GPC1: variants seen among roughly 807,000 people sequenced by gnomAD.
GPC1 encodes glypican 1, also known as glypican-1.
In GPC1, 26 loss-of-function variants were observed where a neutral mutation model predicts 51.5. The observed-to-expected ratio is 0.50, with a 90% CI of 0.37 to 0.70. The LOEUF is 0.70. GPC1 is among the 30% of genes least tolerant of loss of function. The probability of loss-of-function intolerance (pLI) is 0.00; values close to 1 mark genes in which losing one functional copy is unlikely to be tolerated. For synonymous variants in GPC1, 380 were observed against 348.3 expected, an observed-to-expected ratio of 1.09 and a Z score of -1.01; for missense variants, 775 against 800.5, an observed-to-expected ratio of 0.97 and a Z score of 0.38.
intron 2 of GPC1, among the ~76,000 whole-genome samples, chr2:240,459,831 AC>A (rs1302170446): frequency 6.6e-6 from 1 of 152,070 alleles, no homozygotes; most frequent in African/African-American, 2.4e-5. Context: ...CCCCAGGGGG[AC>A]AGTGTGGGGT....
At chr2:240,461,953 C>T (rs189270932) in intron 2 of GPC1, among the ~76,000 whole-genome samples, 1 of 152,174 alleles carries the variant, frequency 6.6e-6, no homozygotes, top group African/African-American at 2.4e-5. Flanking sequence ...AGTCAGAGGC[C>T]CTGAGACCCG....
rs569418089 is a variant in GPC1 at position 240,449,886 on chromosome 2, C to T, written c.167-9144C>T. The T allele has an allele frequency of 5.1e-5, 24 of 470,818 alleles. 1 individual carries two copies. Among genetic ancestry groups the T allele is most frequent in the South Asian group, 3.3e-4 (21 of 64,566 alleles). The allele number at this position is 470,818 out of a possible 1,614,324, so 29.2% of individuals were successfully genotyped here. On this transcript the variant is annotated intron_variant, in intron 1 of 8. Coordinates refer to ENST00000264039, the MANE Select transcript of GPC1 (RefSeq NM_002081.3). ...GCCGGAGCATGTGTCAGAATTTCTTCCTTTTCACGGATTAATCCTATTCCA... is the reference window on the plus strand; with the variant it reads ...GCCGGAGCATGTGTCAGAATTTCTTTCTTTTCACGGATTAATCCTATTCCA...
Position 240,435,705 on chromosome 2 carries a change from C to G in GPC1, c.-214C>G, listed in dbSNP as rs1380210778. On this transcript the variant is annotated 5_prime_UTR_variant, in exon 1 of 9. Coordinates refer to ENST00000264039, the MANE Select transcript of GPC1 (RefSeq NM_002081.3). ...CTAGCCCGCCGCGCTCTGGGCTGCC[C>G]GAGCGAGCGTTCGGACCTCGCACCC... 11 of 213,966 alleles carry G rather than the reference C, an allele frequency of 5.1e-5. No individual in the cohort carries two copies. The highest frequency in any genetic ancestry group is 9.4e-5 in the African/African-American group (4 of 42,568). The allele number at this position is 213,966 out of a possible 1,614,324, so 13.3% of individuals were successfully genotyped here. A position where few individuals can be genotyped will look rare whatever the true frequency, so the allele number is the denominator to read the frequency against.
At chr2:240,462,875 C>T (rs1012467878) in intron 3 of GPC1, among the ~76,000 whole-genome samples, 1 of 152,116 alleles carries the variant, frequency 6.6e-6, no homozygotes, top group Non-Finnish European at 1.5e-5. Flanking sequence ...GGACGCTGAG[C>T]CAGGCTGTGG....
At chr2:240,456,833 G>T (rs778549494) in intron 1 of GPC1, 3 of 325,484 alleles carry the variant, frequency 9.2e-6, no homozygotes, top group Non-Finnish European at 1.9e-5. Context: ...ATGGTCCCTG[G>T]CGAGTGTACC....
chr2:240,458,871 G>A (rs1282006006), intron 1 of GPC1, 159 bp from the exon 2 acceptor site: 13 of 614,446 alleles, frequency 2.1e-5, no homozygotes, highest in Non-Finnish European at 3.1e-5. Flanking sequence ...TCCACACCCC[G>A]ACCACTTCTG....
At chr2:240,456,675 C>A (rs1182842499) in intron 1 of GPC1, 1 of 466,988 alleles carries the variant, frequency 2.1e-6, no homozygotes, top group Non-Finnish European at 4.5e-6. Flanking sequence ...ACAGCCCACA[C>A]CCTCGGAGAG....
At chr2:240,456,712 C>T (rs1382306921) in intron 1 of GPC1, 7 of 445,442 alleles carry the variant, frequency 1.6e-5, no homozygotes, top group Non-Finnish European at 2.4e-5. Context: ...CTCAGCCTGG[C>T]ACAGGCCCCA....
chr2:240,441,583 C>T (rs369627609), intron 1 of GPC1, among the ~76,000 whole-genome samples: 1 of 152,224 alleles, frequency 6.6e-6, no homozygotes. Flanking sequence ...TCTTGCCAGT[C>T]GCCAGCACAG....
In GPC1 at chr2:240,451,261, C is replaced by T. The variant is rs1488214540; in HGVS notation, c.167-7769C>T. 14 of 471,026 alleles carry T rather than the reference C, an allele frequency of 3.0e-5. No homozygotes were observed. The Middle Eastern group carries it at 9.8e-4, about 33-fold the overall frequency. 29.2% of individuals were successfully genotyped at this position (471,026 alleles called of 1,614,324 possible). A position where few individuals can be genotyped will look rare whatever the true frequency, so the allele number is the denominator to read the frequency against. Reference sequence around the variant, plus strand: ...GGTTGGCATTCACGGGGCAGATGGACGGGCCTGCGCGGCGTCTTTGTGGAC... The same window carrying T: ...GGTTGGCATTCACGGGGCAGATGGATGGGCCTGCGCGGCGTCTTTGTGGAC... On this transcript the variant is annotated intron_variant, in intron 1 of 8. Coordinates refer to ENST00000264039, the MANE Select transcript of GPC1 (RefSeq NM_002081.3).
chr2:240,450,679 G>A (rs1368934374), intron 1 of GPC1: 9 of 469,954 alleles, frequency 1.9e-5, no homozygotes, highest in Middle Eastern at 3.3e-4. Flanking sequence ...GGAGGTGCTG[G>A]CTTGGGGGGG....
intron 7 of GPC1, 82 bp downstream of exon 7, chr2:240,465,292 G>A (rs1019268568): frequency 1.4e-5 from 20 of 1,460,386 alleles, no homozygotes; most frequent in East Asian, 9.4e-5. Flanking sequence ...CTGTCTGCAC[G>A]GGGCCACGTC....
In GPC1 at chr2:240,439,152, C is replaced by G. The variant is rs540115957; in HGVS notation, c.166+3068C>G. ...GGGGTCTCAGCGCCCCACCTTGGCA[C>G]CTGAGCTCCCTGGTCGCTGGGACCA... is the stretch of plus-strand genomic sequence containing the variant. On this transcript the variant is annotated intron_variant, in intron 1 of 8. Coordinates refer to ENST00000264039, the MANE Select transcript of GPC1 (RefSeq NM_002081.3). Among the ~76,000 whole-genome samples the G allele has an allele frequency of 1.2e-4, 18 of 152,300 alleles. No homozygotes were observed. In the South Asian group the frequency reaches 3.7e-3, roughly 32 times the overall value.
At position 240,448,077 on chromosome 2, in the gene GPC1, G is replaced by A. The variant is rs953919739; in HGVS notation, c.167-10953G>A. On this transcript the variant is annotated intron_variant, in intron 1 of 8. Coordinates refer to ENST00000264039, the MANE Select transcript of GPC1 (RefSeq NM_002081.3). The surrounding 1 kb of genome is among the most constrained non-coding windows in gnomAD (Gnocchi z 4.5). The stretch of plus-strand genomic sequence containing the variant: ...CAGTGACAGTGGAACGGCCGGAGGC[G>A]CTCTCGAGCCCGCCTTGAGGGTGGC... Among the ~76,000 whole-genome samples, 2 of 152,172 alleles carry A rather than the reference G, an allele frequency of 1.3e-5. No homozygotes were observed. Among genetic ancestry groups the A allele is most frequent in the African/African-American group, 2.4e-5 (1 of 41,430 alleles).
intron 1 of GPC1, among the ~76,000 whole-genome samples, chr2:240,442,052 C>T (rs1052397901): frequency 4.2e-4 from 64 of 152,182 alleles, no homozygotes; most frequent in Non-Finnish European, 9.1e-4. Context: ...ATCCCCTCTC[C>T]TGCCTGTGGC....
chr2:240,441,709 C>T (rs1240419590), intron 1 of GPC1, among the ~76,000 whole-genome samples: 1 of 152,238 alleles, frequency 6.6e-6, no homozygotes, highest in Admixed American at 6.5e-5. Flanking sequence ...TGTCTGGGAA[C>T]AGGCCTGGGC....
At chr2:240,444,831 A>C (rs758123723) in intron 1 of GPC1, among the ~76,000 whole-genome samples, 20 of 152,100 alleles carry the variant, frequency 1.3e-4, no homozygotes, top group Non-Finnish European at 2.5e-4. Flanking sequence ...CCCTGTGGTA[A>C]CCCATGTGTG....
intron 2 of GPC1, 121 bp from the exon 3 acceptor site, chr2:240,462,070 G>A (rs60221599): frequency 0.021 from 20,818 of 981,498 alleles, 1,190 homozygotes; most frequent in East Asian, 0.17. Flanking sequence ...TGTGGCGTCC[G>A]ACTCCGAGGT....
intron 1 of GPC1, among the ~76,000 whole-genome samples, chr2:240,455,607 C>T (rs577621683): frequency 1.3e-5 from 2 of 152,306 alleles, no homozygotes; most frequent in South Asian, 4.1e-4. Flanking sequence ...CCTCTCTATC[C>T]CCAGGTGTTG....
Sources: gnomAD v4.1 joint callset for allele counts (sites outside exome capture counted in the v4.1 genomes callset) on GRCh38, gnomAD v4.1.1 for gene constraint, Gnocchi (gnomAD v3.1) non-coding constraint, MANE v1.5 for transcripts, NCBI Gene and HGNC (gene_info 2026-07-23, HGNC 2026-07-21) for gene names.